Variants in CENPW observed in about 807,000 individuals in gnomAD.
CENPW encodes the protein centromere protein W.
CENPW carries 3 observed loss-of-function variants against 11.1 expected under a neutral mutation model. The observed-to-expected ratio is 0.27, with a 90% CI of 0.12 to 0.70. The LOEUF is 0.70. Among genes scored for constraint, CENPW ranks in the 30% least tolerant of loss-of-function variants. The pLI, the probability that CENPW is intolerant of heterozygous loss-of-function variation, is 0.77. For synonymous variants in CENPW, 38 were observed against 42.0 expected (o/e 0.91, Z 0.37); for missense variants, 100 against 105.6 (o/e 0.95, Z 0.23).
the CENPW span, among the ~76,000 whole-genome samples, chr6:126,406,315 T>C: frequency 6.6e-6 from 1 of 152,150 alleles, no homozygotes; most frequent in Non-Finnish European, 1.5e-5. Flanking sequence ...TGGGTATAAA[T>C]TTATTGATAT....
the CENPW span, among the ~76,000 whole-genome samples, chr6:126,445,872 A>G: frequency 6.6e-6 from 1 of 151,280 alleles, no homozygotes; most frequent in Middle Eastern, 3.4e-3. Flanking sequence ...CTTCTCACCT[A>G]ATAAAAAGGG....
the CENPW span, among the ~76,000 whole-genome samples, chr6:126,459,391 G>A: frequency 6.6e-6 from 1 of 151,552 alleles, no homozygotes; most frequent in African/African-American, 2.4e-5. Flanking sequence ...AGGATTGAAA[G>A]GTTGGTAATA....
the CENPW span, among the ~76,000 whole-genome samples, chr6:126,477,511 T>C: frequency 6.6e-6 from 1 of 151,882 alleles, no homozygotes; most frequent in Non-Finnish European, 1.5e-5. Flanking sequence ...CAGCAAATAA[T>C]GTATTAATCT....
At chr6:126,481,556 C>T in the CENPW span, among the ~76,000 whole-genome samples, 1 of 152,008 alleles carries the variant, frequency 6.6e-6, no homozygotes, top group South Asian at 2.1e-4. Flanking sequence ...TTTTTATCAG[C>T]AACCCCCTCC....
chr6:126,344,575 T>TA (rs886121561), intron 1 of CENPW, among the ~76,000 whole-genome samples: 1 of 152,316 alleles, frequency 6.6e-6, no homozygotes, highest in South Asian at 2.1e-4. Context: ...ATTGAAAGTT[T>TA]AAAAAATAAT....
intron 2 of CENPW, among the ~76,000 whole-genome samples, chr6:126,347,389 T>C (rs1024619189): frequency 6.6e-5 from 10 of 152,198 alleles, no homozygotes; most frequent in Non-Finnish European, 1.3e-4. Flanking sequence ...TATAGTCATG[T>C]AAAGTTATGA....
chr6:126,474,076 A>G, the CENPW span, among the ~76,000 whole-genome samples: 1 of 149,914 alleles, frequency 6.7e-6, no homozygotes, highest in East Asian at 1.9e-4. Flanking sequence ...AGTAGAATAT[A>G]TTTCATATAT....
chr6:126,441,000 A>G, the CENPW span, among the ~76,000 whole-genome samples: 2 of 151,488 alleles, frequency 1.3e-5, no homozygotes, highest in African/African-American at 4.8e-5. Context: ...TAATTTTTGT[A>G]CAATAGAAAC....
chr6:126,478,991 A>G, the CENPW span, among the ~76,000 whole-genome samples: 3 of 152,040 alleles, frequency 2.0e-5, no homozygotes, highest in African/African-American at 7.2e-5. Flanking sequence ...ACCTCCTACC[A>G]GACTCCTCAG....
the CENPW span, among the ~76,000 whole-genome samples, chr6:126,378,286 G>T: frequency 6.6e-6 from 1 of 151,970 alleles, no homozygotes; most frequent in African/African-American, 2.4e-5. Context: ...TATTCATTTA[G>T]TGCTTTTCTG....
the CENPW span, among the ~76,000 whole-genome samples, chr6:126,387,535 A>G: frequency 6.6e-6 from 1 of 151,944 alleles, no homozygotes; most frequent in African/African-American, 2.4e-5. Context: ...TTCTGAAGAC[A>G]GAAAAGAAAC....
the CENPW span, among the ~76,000 whole-genome samples, chr6:126,415,225 AT>A: frequency 6.6e-6 from 1 of 151,910 alleles, no homozygotes; most frequent in East Asian, 1.9e-4. Flanking sequence ...TTTTTACATT[AT>A]TATCTCCTTA....
chr6:126,353,475 T>A (rs965254335), downstream of CENPW, among the ~76,000 whole-genome samples: 26 of 152,040 alleles, frequency 1.7e-4, no homozygotes, highest in Admixed American at 1.0e-3. Context: ...ATGTCTTTTT[T>A]AAAAAAATCT....
chr6:126,454,454 T>C, the CENPW span, among the ~76,000 whole-genome samples: 1 of 151,226 alleles, frequency 6.6e-6, no homozygotes, highest in African/African-American at 2.4e-5. Flanking sequence ...AATCGAACAA[T>C]CTGCTTCTGA....
the CENPW span, among the ~76,000 whole-genome samples, chr6:126,385,913 A>G: frequency 1.3e-5 from 2 of 152,162 alleles, no homozygotes; most frequent in Non-Finnish European, 1.5e-5. Flanking sequence ...ACAGATGAAT[A>G]CATTCATATT....
the CENPW span, among the ~76,000 whole-genome samples, chr6:126,439,686 A>G: frequency 4.0e-4 from 61 of 151,688 alleles, no homozygotes; most frequent in African/African-American, 1.4e-3. Context: ...TAGTTTATCA[A>G]AGCTAAAAAA....
chr6:126,342,349 T>G (rs1780330847), intron 1 of CENPW, among the ~76,000 whole-genome samples: 1 of 152,194 alleles, frequency 6.6e-6, no homozygotes, highest in Admixed American at 6.5e-5. Context: ...AGCAGTTTGT[T>G]TTGATCTGCT....
the CENPW span, among the ~76,000 whole-genome samples, chr6:126,371,189 A>G: frequency 1.3e-5 from 2 of 152,104 alleles, no homozygotes; most frequent in Non-Finnish European, 2.9e-5. Flanking sequence ...ACATGCTTCA[A>G]CTTTTTCCTG....
At chr6:126,479,251 GC>G in the CENPW span, among the ~76,000 whole-genome samples, 1 of 151,756 alleles carries the variant, frequency 6.6e-6, no homozygotes, top group Non-Finnish European at 1.5e-5. Flanking sequence ...AACTCATTCT[GC>G]TCTATGTTAT....
Sources: allele counts gnomAD v4.1 joint callset (sites outside exome capture counted in the v4.1 genomes callset), GRCh38; gene constraint gnomAD v4.1.1; transcripts MANE v1.5; gene names NCBI Gene and HGNC (gene_info 2026-07-23, HGNC 2026-07-21).